Variants in GRIA1 observed in about 807,000 individuals in gnomAD.
The protein encoded by GRIA1 is glutamate ionotropic receptor AMPA type subunit 1.
GRIA1 carries 31 observed loss-of-function variants against 99.2 expected under a neutral mutation model. The ratio of observed to expected loss-of-function variants is 0.31; its 90% CI spans 0.23 to 0.42. The LOEUF (loss-of-function observed/expected upper bound fraction) is 0.42, where lower values mean the gene tolerates loss of function less well. GRIA1 is among the 10% of genes least tolerant of loss of function. The probability of loss-of-function intolerance (pLI) is 1.00; values close to 1 mark genes in which losing one functional copy is unlikely to be tolerated. For missense variants in GRIA1, 782 were observed against 1,157.5 expected (o/e 0.68, Z 4.71); for synonymous variants, 438 against 432.4 (o/e 1.01, Z -0.16).
chr5:153,603,085 A>G (rs375221220), intron 2 of GRIA1, among the ~76,000 whole-genome samples: 1 of 147,736 alleles, frequency 6.8e-6, no homozygotes, highest in Non-Finnish European at 1.5e-5. Flanking sequence ...CCCCCACCCC[A>G]CAACAGTCCC....
intron 11 of GRIA1, among the ~76,000 whole-genome samples, chr5:153,721,843 TG>T (rs1489834803): frequency 1.3e-5 from 2 of 152,184 alleles, no homozygotes; most frequent in Non-Finnish European, 2.9e-5. Flanking sequence ...AAAAGTCTTT[TG>T]GTATGTGTAT....
chr5:153,701,976 A>G (rs973581607), intron 10 of GRIA1, among the ~76,000 whole-genome samples: 1 of 152,182 alleles, frequency 6.6e-6, no homozygotes, highest in Non-Finnish European at 1.5e-5. Context: ...TTTACTCTGC[A>G]TATCGACTTC....
intron 2 of GRIA1, among the ~76,000 whole-genome samples, chr5:153,516,845 G>A (rs1756674169): frequency 6.6e-6 from 1 of 152,128 alleles, no homozygotes; most frequent in Admixed American, 6.5e-5. Flanking sequence ...AAGAAAAAAA[G>A]GAAAAACAAA....
chr5:153,579,418 G>A (rs978633669), intron 2 of GRIA1, among the ~76,000 whole-genome samples: 1 of 152,168 alleles, frequency 6.6e-6, no homozygotes, highest in African/African-American at 2.4e-5. Context: ...GAGATAATAT[G>A]ATGAGTGAGG....
In GRIA1 at chr5:153,760,850, A is replaced by T. The variant is rs1349193275; in HGVS notation, c.1824-3584A>T. On this transcript the variant is annotated intron_variant, in intron 11 of 15. Coordinates refer to ENST00000285900, the MANE Select transcript of GRIA1 (RefSeq NM_000827.4). ...ACACAACACACAGACTAATGGAACA[A>T]AATAGACAACCCAGAAATTAATCTA... 3.3e-5 allele frequency among the ~76,000 whole-genome samples: 5 copies of T among 152,082 alleles called. No individual in the cohort carries two copies. In the South Asian group the frequency reaches 8.3e-4, roughly 25 times the overall value.
At chr5:153,745,589 C>CAAAAAA (rs58166158) in intron 11 of GRIA1, among the ~76,000 whole-genome samples, 24 of 100,872 alleles carry the variant, frequency 2.4e-4, no homozygotes, top group African/African-American at 4.2e-4. Flanking sequence ...AACTCTGTCT[C>CAAAAAA]AAAAAAAAAA....
At chr5:153,764,703 A>C in intron 12 of GRIA1, 71 bp downstream of exon 12, 77 of 1,103,590 alleles carry the variant, frequency 7.0e-5, no homozygotes, top group Non-Finnish European at 1.0e-4. Context: ...TGTCCTTCTC[A>C]TTATATAGCC....
At chr5:153,491,061 G>A in intron 1 of GRIA1, 91 bp downstream of exon 1, 2 of 1,270,498 alleles carry the variant, frequency 1.6e-6, no homozygotes, top group Non-Finnish European at 2.3e-6. Context: ...CCCCGGTACT[G>A]ACTGTTTTGC....
intron 11 of GRIA1, among the ~76,000 whole-genome samples, chr5:153,717,796 G>A (rs906587193): frequency 1.3e-5 from 2 of 152,142 alleles, no homozygotes; most frequent in South Asian, 2.1e-4. Context: ...CTAACTTCTG[G>A]GATTCAAAGG....
At chr5:153,759,394 A>C (rs1440087170) in intron 11 of GRIA1, among the ~76,000 whole-genome samples, 1 of 151,958 alleles carries the variant, frequency 6.6e-6, no homozygotes, top group Non-Finnish European at 1.5e-5. Flanking sequence ...TTGATACCAC[A>C]GAAATATAAA....
intron 11 of GRIA1, among the ~76,000 whole-genome samples, chr5:153,723,500 G>T (rs952567084): frequency 1.3e-5 from 2 of 152,232 alleles, no homozygotes; most frequent in Non-Finnish European, 2.9e-5. Context: ...CAAAGAAAGG[G>T]GTGACAGATG....
intron 11 of GRIA1, among the ~76,000 whole-genome samples, chr5:153,734,518 T>C (rs1761251247): frequency 6.6e-6 from 1 of 152,194 alleles, no homozygotes; most frequent in South Asian, 2.1e-4. Context: ...GTTCACCATA[T>C]AGTTATGTAA....
intron 2 of GRIA1, among the ~76,000 whole-genome samples, chr5:153,625,401 G>A (rs186262318): frequency 2.0e-3 from 298 of 152,312 alleles, no homozygotes; most frequent in Non-Finnish European, 3.6e-3. Context: ...GGACTTAGTG[G>A]AAACTAGAAT....
chr5:153,788,292 C>A, intron 13 of GRIA1, among the ~76,000 whole-genome samples: 1 of 152,156 alleles, frequency 6.6e-6, no homozygotes, highest in East Asian at 1.9e-4. Context: ...TCTCTTCTTT[C>A]CAATCCTTAA....
intron 5 of GRIA1, among the ~76,000 whole-genome samples, chr5:153,671,494 C>G (rs766863315): frequency 1.3e-5 from 2 of 152,202 alleles, no homozygotes; most frequent in Admixed American, 1.3e-4. Context: ...GTACAGGAAC[C>G]TAGTTCTGAT....
intron 8 of GRIA1, among the ~76,000 whole-genome samples, chr5:153,694,919 T>G (rs1046077309): frequency 6.8e-6 from 1 of 148,000 alleles, no homozygotes; most frequent in Non-Finnish European, 1.5e-5. Context: ...GGAGGAAGAA[T>G]AGGAGGAAGG....
intron 2 of GRIA1, among the ~76,000 whole-genome samples, chr5:153,584,616 C>T (rs1763315652): frequency 6.6e-6 from 1 of 152,174 alleles, no homozygotes; most frequent in Non-Finnish European, 1.5e-5. Context: ...AGGAAGACAT[C>T]AATATTTATG....
intron 11 of GRIA1, among the ~76,000 whole-genome samples, chr5:153,738,855 T>C (rs1761576606): frequency 6.6e-6 from 1 of 151,752 alleles, no homozygotes; most frequent in Non-Finnish European, 1.5e-5. Flanking sequence ...ACCAAGTAGC[T>C]GGGATTACAG....
intron 12 of GRIA1, among the ~76,000 whole-genome samples, chr5:153,765,144 A>G (rs1763431110): frequency 6.6e-6 from 1 of 151,940 alleles, no homozygotes; most frequent in Non-Finnish European, 1.5e-5. Flanking sequence ...GTGAAGTGGG[A>G]GTGGAGGTGG....
Sources: allele counts gnomAD v4.1 joint callset (sites outside exome capture counted in the v4.1 genomes callset), GRCh38; gene constraint gnomAD v4.1.1; transcripts MANE v1.5; gene names NCBI Gene and HGNC (gene_info 2026-07-23, HGNC 2026-07-21).